The following PAK5 variants were observed in gnomAD, a reference collection of about 807,000 sequenced individuals.
PAK5 encodes the protein serine/threonine-protein kinase PAK 5.
A neutral mutation model predicts 65.9 loss-of-function variants in PAK5; 16 were observed. The ratio of observed to expected loss-of-function variants is 0.24; its 90% CI spans 0.16 to 0.37. The LOEUF is 0.37. Among genes scored for constraint, PAK5 ranks in the 10% least tolerant of loss-of-function variants. The pLI is 1.00. For synonymous variants in PAK5, 371 were observed against 354.9 expected (o/e 1.05, Z -0.51); for missense variants, 785 against 903.9 (o/e 0.87, Z 1.69).
chr20:9,832,029 A>G (rs1978759373), intron 1 of PAK5, among the ~76,000 whole-genome samples: 1 of 152,092 alleles, frequency 6.6e-6, no homozygotes, highest in Admixed American at 6.5e-5. Flanking sequence ...ACGTCATTAT[A>G]TAATCTTCAA....
chr20:9,602,534 T>C lies in PAK5; in HGVS notation c.205-21604A>G, dbSNP rs557392503. Among the ~76,000 whole-genome samples the C allele has an allele frequency of 2.0e-5, 3 of 152,312 alleles. No homozygotes were observed. The East Asian group carries it at 5.8e-4, about 29-fold the overall frequency. ...TATCTTTATGGCTAGTGCTTCAGGC[T>C]GATTCGTCAGTCAGTTTCTGAGAAT... On this transcript the variant is annotated intron_variant, in intron 3 of 9. Transcript: ENST00000353224.
intron 1 of PAK5, among the ~76,000 whole-genome samples, chr20:9,747,436 G>A (rs368442197): frequency 2.0e-5 from 3 of 151,632 alleles, no homozygotes; most frequent in Non-Finnish European, 2.9e-5. Flanking sequence ...AAAATCCTCA[G>A]TAAAATACTG....
chr20:9,739,130 T>G, intron 1 of PAK5, among the ~76,000 whole-genome samples: 1 of 152,206 alleles, frequency 6.6e-6, no homozygotes, highest in East Asian at 1.9e-4. Flanking sequence ...TACAATACTC[T>G]GTAATATATG....
intron 1 of PAK5, among the ~76,000 whole-genome samples, chr20:9,779,349 C>G (rs1367597462): frequency 9.3e-6 from 1 of 107,386 alleles, no homozygotes; most frequent in Non-Finnish European, 2.0e-5. Flanking sequence ...GGACATTTGT[C>G]TAATATATAT....
intron 1 of PAK5, chr20:9,784,377 G>A (rs751645733): frequency 2.6e-5 from 4 of 152,140 alleles, no homozygotes; most frequent in African/African-American, 7.2e-5. Context: ...AGCATCCAGC[G>A]AAAGTTGGAA....
At chr20:9,834,881 G>A (rs1027784819) in intron 1 of PAK5, among the ~76,000 whole-genome samples, 25 of 152,140 alleles carry the variant, frequency 1.6e-4, no homozygotes, top group Admixed American at 3.9e-4. Flanking sequence ...TTCCAAGGGT[G>A]TAGCATGGCA....
intron 2 of PAK5, among the ~76,000 whole-genome samples, chr20:9,693,161 A>G (rs1306023227): frequency 6.6e-6 from 1 of 152,142 alleles, no homozygotes; most frequent in Admixed American, 6.6e-5. Flanking sequence ...ATTTATGATA[A>G]GAGAATACAA....
intron 1 of PAK5, among the ~76,000 whole-genome samples, chr20:9,807,063 A>T (rs538636645): frequency 6.6e-6 from 1 of 152,016 alleles, no homozygotes; most frequent in Non-Finnish European, 1.5e-5. Flanking sequence ...CTCTGATTTG[A>T]CCTTATTGCC....
intron 1 of PAK5, among the ~76,000 whole-genome samples, chr20:9,724,374 C>T (rs929361633): frequency 6.6e-6 from 1 of 152,042 alleles, no homozygotes; most frequent in African/African-American, 2.4e-5. Flanking sequence ...ACTTGGTTTT[C>T]GATATTCTCT....
chr20:9,701,866 G>T (rs562668588), intron 2 of PAK5, among the ~76,000 whole-genome samples: 1 of 151,992 alleles, frequency 6.6e-6, no homozygotes, highest in African/African-American at 2.4e-5. Context: ...CAGGTGTGGT[G>T]GCCTGCACCT....
At chr20:9,563,360 C>T (rs1801379161) in intron 5 of PAK5, among the ~76,000 whole-genome samples, 2 of 152,148 alleles carry the variant, frequency 1.3e-5, no homozygotes, top group African/African-American at 4.8e-5. Flanking sequence ...CTAAGGGTCT[C>T]CTTTAGAATG....
chr20:9,815,019 C>T (rs976077416), intron 1 of PAK5, among the ~76,000 whole-genome samples: 4 of 152,022 alleles, frequency 2.6e-5, no homozygotes, highest in Admixed American at 6.6e-5. Flanking sequence ...GGCAAAGAGG[C>T]GCTACTGTGT....
chr20:9,556,506 G>A (rs2045509018), intron 7 of PAK5, among the ~76,000 whole-genome samples: 1 of 152,222 alleles, frequency 6.6e-6, no homozygotes, highest in Non-Finnish European at 1.5e-5. Flanking sequence ...TAAAAGACAG[G>A]AACATCAAGG....
At chr20:9,601,575 G>A (rs2046359847) in intron 3 of PAK5, among the ~76,000 whole-genome samples, 2 of 152,132 alleles carry the variant, frequency 1.3e-5, no homozygotes, top group South Asian at 2.1e-4. Flanking sequence ...ATATTCTCTC[G>A]ATTCTTCCCT....
At chr20:9,689,625 G>A (rs550850206) in intron 2 of PAK5, among the ~76,000 whole-genome samples, 4 of 152,264 alleles carry the variant, frequency 2.6e-5, no homozygotes, top group East Asian at 1.9e-4. Context: ...TCTGCAAATT[G>A]GCTTGGAGGA....
In PAK5 at chr20:9,542,586, C is replaced by CT; in HGVS notation, c.2003dup (p.Val669GlyfsTer58). 1 of 1,614,124 alleles carries CT rather than the reference C, an allele frequency of 6.2e-7. No homozygotes were observed. Among genetic ancestry groups the CT allele is most frequent in the Non-Finnish European group, 8.5e-7 (1 of 1,179,998 alleles). On this transcript the variant is annotated frameshift_variant and splice_region_variant, in exon 9 of 10. Transcript: ENST00000353224. LOFTEE classifies it high-confidence loss of function. The stretch of plus-strand genomic sequence containing the variant: ...TTTAGCAACAGCTGCTGTTTCTCAC[C>CT]TTGTGTAGGTCCTTCACTCTTGGAG...
chr20:9,691,179 C>T (rs990475808), intron 2 of PAK5, among the ~76,000 whole-genome samples: 7 of 152,172 alleles, frequency 4.6e-5, no homozygotes, highest in South Asian at 4.1e-4. Flanking sequence ...GAAACATATT[C>T]TCAGACATGC....
chr20:9,716,874 T>C (rs1478747001), intron 1 of PAK5, among the ~76,000 whole-genome samples: 1 of 151,996 alleles, frequency 6.6e-6, no homozygotes. Context: ...CTTGAGCTCA[T>C]GAGTTTTGAG....
intron 1 of PAK5, among the ~76,000 whole-genome samples, chr20:9,760,238 C>T (rs1029091096): frequency 2.6e-5 from 4 of 152,124 alleles, no homozygotes; most frequent in East Asian, 3.9e-4. Flanking sequence ...ACTTAAAAAG[C>T]TCATTCCAGA....
Sources: allele counts gnomAD v4.1 joint callset (sites outside exome capture counted in the v4.1 genomes callset), GRCh38; gene constraint gnomAD v4.1.1; transcripts MANE v1.5; gene names NCBI Gene and HGNC (gene_info 2026-07-23, HGNC 2026-07-21).